NRG3: variants seen among roughly 807,000 people sequenced by gnomAD.
The protein encoded by NRG3 is neuregulin 3, also known as pro-neuregulin-3, membrane-bound isoform.
NRG3 carries 31 observed loss-of-function variants against 66.9 expected under a neutral mutation model. The ratio of observed to expected loss-of-function variants is 0.46; its 90% CI spans 0.35 to 0.63. The LOEUF (loss-of-function observed/expected upper bound fraction) is 0.63, where lower values mean the gene tolerates loss of function less well. Among genes scored for constraint, NRG3 ranks in the 20% least tolerant of loss-of-function variants. The pLI, the probability that NRG3 is intolerant of heterozygous loss-of-function variation, is 0.00. For missense variants in NRG3, 910 were observed against 878.9 expected (o/e 1.04, Z -0.45); for synonymous variants, 393 against 359.4 (o/e 1.09, Z -1.06).
At chr10:82,911,584 G>T (rs753891196) in intron 4 of NRG3, among the ~76,000 whole-genome samples, 3 of 151,490 alleles carry the variant, frequency 2.0e-5, no homozygotes, top group Non-Finnish European at 2.9e-5. Flanking sequence ...CAGTAGCAAT[G>T]ATCCTTCTTT....
rs1296799738 is a variant in NRG3 at position 82,064,541 on chromosome 10, G to A, written c.823+188378G>A. 4.6e-5 allele frequency among the ~76,000 whole-genome samples: 7 copies of A among 152,250 alleles called. No homozygotes were observed. The East Asian group carries it at 1.4e-3, about 29-fold the overall frequency. ...AAAAAAAAGCATCAAGATGTCAATAGATTTGAGTAGCTAACTAAATTAGAT... is the reference window on the plus strand; with the variant it reads ...AAAAAAAAGCATCAAGATGTCAATAAATTTGAGTAGCTAACTAAATTAGAT... On this transcript the variant is annotated intron_variant, in intron 1 of 8. Transcript: ENST00000372141.
At chr10:81,912,948 G>T (rs1274133195) in intron 1 of NRG3, among the ~76,000 whole-genome samples, 1 of 152,170 alleles carries the variant, frequency 6.6e-6, no homozygotes, top group Non-Finnish European at 1.5e-5. Flanking sequence ...GGTAGATTTT[G>T]GTGTTAAGAG....
intron 4 of NRG3, among the ~76,000 whole-genome samples, chr10:82,890,896 A>G (rs1241840322): frequency 6.6e-6 from 1 of 151,916 alleles, no homozygotes; most frequent in Non-Finnish European, 1.5e-5. Context: ...AATTTGGACA[A>G]TTTTCGTCTT....
intron 6 of NRG3, among the ~76,000 whole-genome samples, chr10:82,963,992 T>C (rs1037697089): frequency 2.6e-5 from 4 of 152,204 alleles, no homozygotes; most frequent in African/African-American, 9.7e-5. Flanking sequence ...AGAGGTAATT[T>C]TGTTGTAGCA....
chr10:82,716,513 T>C (rs140642575), intron 2 of NRG3, among the ~76,000 whole-genome samples: 1 of 152,166 alleles, frequency 6.6e-6, no homozygotes, highest in Non-Finnish European at 1.5e-5. Flanking sequence ...ACATGGCAGG[T>C]GGCCCCATCG....
chr10:82,662,235 G>A (rs1450452697), intron 2 of NRG3, among the ~76,000 whole-genome samples: 7 of 130,706 alleles, frequency 5.4e-5, no homozygotes, highest in Non-Finnish European at 1.3e-4. Flanking sequence ...AGCAACTCAC[G>A]AAGTAGGGTG....
At chr10:82,546,730 A>G (rs1238653008) in intron 2 of NRG3, among the ~76,000 whole-genome samples, 1 of 152,188 alleles carries the variant, frequency 6.6e-6, no homozygotes, top group African/African-American at 2.4e-5. Context: ...CTCATATATC[A>G]TGCATGTGTA....
intron 1 of NRG3, among the ~76,000 whole-genome samples, chr10:82,028,260 T>G (rs142941395): frequency 6.2e-4 from 94 of 152,174 alleles, no homozygotes; most frequent in Middle Eastern, 3.4e-3. Flanking sequence ...GCTTCCAGAC[T>G]TCTGGTCATA....
intron 2 of NRG3, among the ~76,000 whole-genome samples, chr10:82,509,531 C>T (rs563679033): frequency 4.6e-5 from 7 of 152,260 alleles, no homozygotes; most frequent in African/African-American, 1.4e-4. Context: ...CTCAACAAAT[C>T]ACCATAAAGC....
intron 4 of NRG3, among the ~76,000 whole-genome samples, chr10:82,924,460 G>C (rs1484288283): frequency 2.0e-5 from 3 of 151,928 alleles, no homozygotes; most frequent in Non-Finnish European, 2.9e-5. Context: ...GATTCAGTGG[G>C]TCTACCATAA....
intron 1 of NRG3, among the ~76,000 whole-genome samples, chr10:81,927,367 G>C (rs1846908802): frequency 6.6e-6 from 1 of 152,070 alleles, no homozygotes; most frequent in Non-Finnish European, 1.5e-5. Context: ...AGAACTTAAA[G>C]GTGGGTCAAA....
At chr10:82,134,259 A>C (rs977396867) in intron 1 of NRG3, among the ~76,000 whole-genome samples, 1 of 152,146 alleles carries the variant, frequency 6.6e-6, no homozygotes, top group African/African-American at 2.4e-5. Context: ...GACGCTCTTA[A>C]GTTAATTAGA....
intron 1 of NRG3, among the ~76,000 whole-genome samples, chr10:82,088,700 G>T (rs1246885006): frequency 6.6e-6 from 1 of 152,032 alleles, no homozygotes; most frequent in Admixed American, 6.6e-5. Context: ...ATCTCCCTCA[G>T]CTCGGTATTT....
chr10:81,923,457 G>A (rs928621161), intron 1 of NRG3, among the ~76,000 whole-genome samples: 2 of 151,688 alleles, frequency 1.3e-5, no homozygotes, highest in South Asian at 2.1e-4. Flanking sequence ...CGCCCGCCTC[G>A]GCCTCCCAAC....
rs151173362 is a variant in NRG3, at chr10:82,310,550, A to G, written c.824-48189A>G. Among the ~76,000 whole-genome samples the G allele has an allele frequency of 2.1e-3, 315 of 152,322 alleles. 2 individuals are homozygous for G. The highest frequency in any genetic ancestry group is 7.2e-3 in the African/African-American group (300 of 41,584). ...TGAGACAACTGAGCACAAAAGAATA[A>G]TATCGTATTTTCCAAAATATACACA... On this transcript the variant is annotated intron_variant, in intron 1 of 8. Transcript: ENST00000372141.
intron 3 of NRG3, among the ~76,000 whole-genome samples, chr10:82,842,182 C>T (rs2063087425): frequency 6.6e-6 from 1 of 152,094 alleles, no homozygotes; most frequent in African/African-American, 2.4e-5. Flanking sequence ...ACCTGGGACA[C>T]AGATGTTGCA....
chr10:81,916,764 C>G (rs1845752825), intron 1 of NRG3, among the ~76,000 whole-genome samples: 1 of 152,122 alleles, frequency 6.6e-6, no homozygotes, highest in African/African-American at 2.4e-5. Context: ...TTGGGCATCT[C>G]CTGAGTTCCA....
intron 1 of NRG3, among the ~76,000 whole-genome samples, chr10:82,316,587 C>G (rs1242743503): frequency 6.6e-6 from 1 of 152,166 alleles, no homozygotes; most frequent in Non-Finnish European, 1.5e-5. Context: ...TCCACTGTGG[C>G]CCGCATTACA....
chr10:82,327,966 T>A (rs921948057), intron 1 of NRG3, among the ~76,000 whole-genome samples: 3 of 152,174 alleles, frequency 2.0e-5, no homozygotes, highest in African/African-American at 7.2e-5. Context: ...ACCTATCATA[T>A]AAGGGACCTC....
Sources: allele counts gnomAD v4.1 joint callset (sites outside exome capture counted in the v4.1 genomes callset), GRCh38; gene constraint gnomAD v4.1.1; transcripts MANE v1.5; gene names NCBI Gene and HGNC (gene_info 2026-07-23, HGNC 2026-07-21).